The following ECEL1 variants were observed in gnomAD, a reference collection of about 807,000 sequenced individuals.
ECEL1 encodes endothelin converting enzyme like 1, also known as endothelin-converting enzyme-like 1.
A neutral mutation model predicts 101.8 loss-of-function variants in ECEL1; 87 were observed. That is an observed-to-expected ratio of 0.85 (90% CI 0.72 to 1.02). The LOEUF (loss-of-function observed/expected upper bound fraction) is 1.02. Among genes scored for constraint, ECEL1 ranks in the 50% least tolerant of loss-of-function variants. ECEL1 has a pLI of 0.00. For missense variants in ECEL1, 1,032 were observed against 1,079.2 expected (o/e 0.96, Z 0.61); for synonymous variants, 487 against 468.7 (o/e 1.04, Z -0.50).
At chr2:232,484,938 C>G (rs1690681197) in intron 4 of ECEL1, 43 bp downstream of exon 4, 14 of 1,612,848 alleles carry the variant, frequency 8.7e-6, no homozygotes, top group Non-Finnish European at 1.2e-5. Context: ...TCCATGATGC[C>G]CTCCCTCAAG....
At position 232,486,556 on chromosome 2, in the gene ECEL1, A is replaced by AG; in HGVS notation, c.97dup (p.Leu33ProfsTer69). 7.4e-7 allele frequency: 1 copy of AG among 1,354,420 alleles called. No homozygotes were observed. The highest frequency in any genetic ancestry group is 1.8e-5 in the South Asian group (1 of 55,784). The allele number at this position is 1,354,420 out of a possible 1,614,324, so 83.9% of individuals were successfully genotyped here. A position where few individuals can be genotyped will look rare whatever the true frequency, so the allele number is the denominator to read the frequency against. On this transcript the variant is annotated frameshift_variant, in exon 2 of 18. Transcript: ENST00000304546. LOFTEE classifies it high-confidence loss of function. Reference sequence around the variant, plus strand: ...AGCGCCCAACGGGAAGCCCGGGGGCAGGGAGGCCCCGCGCGCGCCCCCCGC... The same window carrying AG: ...AGCGCCCAACGGGAAGCCCGGGGGCAGGGGAGGCCCCGCGCGCGCCCCCCGC...
At chr2:232,485,161 C>G in intron 3 of ECEL1, 38 bp downstream of exon 3, 1 of 1,612,802 alleles carries the variant, frequency 6.2e-7, no homozygotes, top group Non-Finnish European at 8.5e-7. Flanking sequence ...TCCTGGGGCC[C>G]CAGGCCTTCC....
chr2:232,480,529 G>A (rs532909747), intron 16 of ECEL1, 54 bp from the exon 17 acceptor site: 50 of 1,600,298 alleles, frequency 3.1e-5, no homozygotes, highest in South Asian at 5.5e-5. Context: ...CCAGGCATCC[G>A]CCCCCTTGCC....
Position 232,486,357 on chromosome 2 carries a change from G to A in ECEL1, c.297C>T (p.Cys99=), listed in dbSNP as rs749579230. 3.9e-6 allele frequency: 6 copies of A among 1,528,122 alleles called. No homozygotes were observed. In the Admixed American group the frequency reaches 8.0e-5, roughly 20 times the overall value. 94.7% of individuals were successfully genotyped at this position (1,528,122 alleles called of 1,614,324 possible). The change falls in exon 2 of 18, where the codon TGC becomes TGT. Residue 99 remains cysteine, a synonymous_variant. Transcript: ENST00000304546. The part of the protein sequence containing the change: ...AAGGGACPEG[C]PERKAFARAA... ...CGCGCGCGAAGGCCTTGCGCTCAGG[G>A]CAGCCCTCGGGACAGGCGCCGCCGC...
rs1690567727 is a variant in ECEL1 at position 232,481,154 on chromosome 2, C to T, written c.1992G>A (p.Val664=). ...YDNFTVYNQR[V]NGKHTLGENI... is the part of the protein sequence containing the mutation. ...TCTCCCCAAGCGTGTGTTTCCCGTT[C>T]ACCTGCCGGGAAGGGAAGAGGCCAG... Residue 664 remains valine (V), a splice_region_variant and synonymous_variant, in exon 15 of 18, where the codon GTG becomes GTA. Coordinates refer to ENST00000304546, the MANE Select transcript of ECEL1 (RefSeq NM_004826.4). 1 of 1,563,580 alleles carries T rather than the reference C, an allele frequency of 6.4e-7. No homozygotes were observed. Among genetic ancestry groups the T allele is most frequent in the East Asian group, 2.4e-5 (1 of 42,006 alleles).
chr2:232,484,919 C>T (rs1468412550), intron 4 of ECEL1, 26 bp from the exon 5 acceptor site: 2 of 1,613,096 alleles, frequency 1.2e-6, no homozygotes, highest in South Asian at 2.2e-5. Context: ...ACAGCTGACC[C>T]AGCCCTGCTC....
intron 12 of ECEL1, 81 bp from the exon 13 acceptor site, chr2:232,481,930 C>T: frequency 6.3e-7 from 1 of 1,584,916 alleles, no homozygotes. Context: ...CCAGATGTCC[C>T]CTGGCCGGGC....
At position 232,484,601 on chromosome 2, in the gene ECEL1, G is replaced by T; in HGVS notation, c.1060-5C>A. 2 of 1,613,838 alleles carry T rather than the reference G, an allele frequency of 1.2e-6. No homozygotes were observed. Among genetic ancestry groups the T allele is most frequent in the Non-Finnish European group, 8.5e-7 (1 of 1,179,984 alleles). On this transcript the variant is annotated splice_polypyrimidine_tract_variant and splice_region_variant and intron_variant, in intron 5 of 17. Coordinates refer to ENST00000304546, the MANE Select transcript of ECEL1 (RefSeq NM_004826.4). ...TAGCAGCCACTTCCACCGCAACTGT[G>T]AGACCAAGGACAGGGACAGTGAGGC...
At chr2:232,487,143 C>A (rs1690750224) in intron 1 of ECEL1, among the ~76,000 whole-genome samples, 1 of 152,192 alleles carries the variant, frequency 6.6e-6, no homozygotes, top group Admixed American at 6.5e-5. Context: ...TGAGGAGGTG[C>A]GGTCAGGGGC....
In ECEL1 at chr2:232,484,016, A is replaced by T. The variant is rs765917334; in HGVS notation, c.1392T>A (p.Ala464=). 4 of 1,603,910 alleles carry T rather than the reference A, an allele frequency of 2.5e-6. No individual in the cohort carries two copies. Among genetic ancestry groups the T allele is most frequent in the Non-Finnish European group, 3.4e-6 (4 of 1,172,238 alleles). ...GGCAACCCACCTTGGCTTTGCTGGCAGCTGAGAAGTGCTCATGTACAAAGA... is the reference window on the plus strand; with the variant it reads ...GGCAACCCACCTTGGCTTTGCTGGCTGCTGAGAAGTGCTCATGTACAAAGA... ...GALFVHEHFS[A]ASKAKVQQLV... is the part of the protein sequence containing the mutation. The change falls in exon 7 of 18, where the codon GCT becomes GCA. Residue 464 remains alanine (A), a synonymous_variant. Coordinates refer to ENST00000304546, the MANE Select transcript of ECEL1 (RefSeq NM_004826.4).
chr2:232,482,992 G>C, intron 9 of ECEL1, 38 bp from the exon 10 acceptor site: 3 of 1,613,174 alleles, frequency 1.9e-6, no homozygotes, highest in Non-Finnish European at 2.5e-6. Context: ...GGCAGGCCAG[G>C]GCAGGGCTAC....
chr2:232,480,298 C>A, intron 17 of ECEL1, 46 bp from the exon 18 acceptor site: 1 of 1,611,640 alleles, frequency 6.2e-7, no homozygotes, highest in Non-Finnish European at 8.5e-7. Context: ...TGCAGCCACT[C>A]CAGCCCCAGC....
At position 232,486,502 on chromosome 2, in the gene ECEL1, C is replaced by G. The variant is rs1690733272; in HGVS notation, c.152G>C (p.Gly51Ala). ...AARSATGARS[G>A]LPRWNRREVC... is the part of the protein sequence containing the mutation. ...CTCGCGCCGGTTCCAGCGCGGCAGC[C>G]CGGACCGGGCCCCGGTGGCGCTGCG... The change falls in exon 2 of 18, where the codon GGG becomes GCG. Residue 51 changes from glycine to alanine, a missense_variant. Transcript: ENST00000304546. 1 of 1,376,106 alleles carries G rather than the reference C, an allele frequency of 7.3e-7. No individual in the cohort carries two copies. The highest frequency in any genetic ancestry group is 9.3e-7 in the Non-Finnish European group (1 of 1,075,106). The allele number at this position is 1,376,106 out of a possible 1,614,324, so 85.2% of individuals were successfully genotyped here. A position where few individuals can be genotyped will look rare whatever the true frequency, so the allele number is the denominator to read the frequency against.
intron 7 of ECEL1, 53 bp from the exon 8 acceptor site, chr2:232,483,567 A>C (rs1575076909): frequency 6.7e-7 from 1 of 1,490,044 alleles, no homozygotes; most frequent in Non-Finnish European, 9.0e-7. Flanking sequence ...CTGGTCTATC[A>C]CTCCTGGCAG....
intron 12 of ECEL1, 106 bp downstream of exon 12, chr2:232,482,311 TG>T: frequency 6.7e-7 from 1 of 1,483,298 alleles, no homozygotes; most frequent in Non-Finnish European, 9.4e-7. Context: ...TGAACCCAGC[TG>T]GGTCTGGGGC....
chr2:232,483,128 C>G lies in ECEL1; in HGVS notation c.1558G>C (p.Asp520His), dbSNP rs767625283. The G allele has an allele frequency of 5.0e-6, 8 of 1,609,276 alleles. No homozygotes were observed. The highest frequency in any genetic ancestry group is 6.8e-6 in the Non-Finnish European group (8 of 1,178,266). The change falls in exon 9 of 18, where the codon GAT becomes CAT. Residue 520 changes from aspartate to histidine, a missense_variant. Coordinates refer to ENST00000304546, the MANE Select transcript of ECEL1 (RefSeq NM_004826.4). ...ACCTCATACTCCTTGTCCACAGCAT[C>G]GGGTTTCAGCAGGAAGTCCGGGTAG... is the stretch of plus-strand genomic sequence containing the variant. ...VGYPDFLLKP[D>H]AVDKEYEFEV...
At position 232,481,084 on chromosome 2, in the gene ECEL1, C is replaced by A; in HGVS notation, c.2055+7G>T. ...CAGCAGGGGTGGAGCACAGGCAGGC[C>A]GCTCACGTGGTAGGCCAGCTTGAGG... is the stretch of plus-strand genomic sequence containing the variant. On this transcript the variant is annotated splice_region_variant and intron_variant, in intron 15 of 17. Transcript: ENST00000304546. The A allele has an allele frequency of 6.4e-7, 1 of 1,556,678 alleles. No homozygotes were observed. Among genetic ancestry groups the A allele is most frequent in the East Asian group, 2.4e-5 (1 of 41,460 alleles).
Position 232,481,119 on chromosome 2 carries a change from T to G in ECEL1, c.2027A>C (p.Asp676Ala). ...GTAGGCCAGCTTGAGGCCGCCCATA[T>G]CTGCGATGTTCTCCCCAAGCGTGTG... ...GKHTLGENIA[D>A]MGGLKLAYHA... The change falls in exon 15 of 18, where the codon GAT becomes GCT. Residue 676 changes from aspartate (D) to alanine (A), a missense_variant. Transcript: ENST00000304546. 1.3e-6 allele frequency: 2 copies of G among 1,567,978 alleles called. No homozygotes were observed. The highest frequency in any genetic ancestry group is 1.7e-6 in the Non-Finnish European group (2 of 1,156,262).
Position 232,481,650 on chromosome 2 carries a change from C to T in ECEL1, c.1865-20G>A. ...GGCCCCCTGTGGGCAGTGCAGCAGG[C>T]TGAGACCCACCCTCACCTGAGCCCC... On this transcript the variant is annotated intron_variant, in intron 13 of 17. Transcript: ENST00000304546. 6.2e-7 allele frequency: 1 copy of T among 1,612,146 alleles called. No individual in the cohort carries two copies. The highest frequency in any genetic ancestry group is 8.5e-7 in the Non-Finnish European group (1 of 1,178,994).
Sources: gnomAD v4.1 joint callset for allele counts (sites outside exome capture counted in the v4.1 genomes callset) on GRCh38, gnomAD v4.1.1 for gene constraint, MANE v1.5 for transcripts, NCBI Gene and HGNC (gene_info 2026-07-23, HGNC 2026-07-21) for gene names.